Variants in ZNF766 observed in about 807,000 individuals in gnomAD.
ZNF766 encodes the protein zinc finger protein 766.
In ZNF766, 13 loss-of-function variants were observed where a neutral mutation model predicts 13.2. The observed-to-expected ratio is 0.98, with a 90% confidence interval of 0.64 to 1.56. The LOEUF is 1.56. Ranked by LOEUF, ZNF766 falls within the 40% of genes most tolerant of loss-of-function variation. ZNF766 has a pLI of 0.00. For missense variants in ZNF766, 521 were observed against 552.2 expected (o/e 0.94, Z 0.57); for synonymous variants, 178 against 187.6 (o/e 0.95, Z 0.42).
chr19:52,278,567 C>A (rs141674887), intron 1 of ZNF766, among the ~76,000 whole-genome samples: 2,013 of 152,228 alleles, frequency 0.013, 29 homozygotes, highest in Non-Finnish European at 0.02. Flanking sequence ...GCACACTCAG[C>A]TAATTGTTGT....
rs1555795200 is a variant in ZNF766 at position 52,277,458 on chromosome 19, C to CAAAAAAAAACAAA, written c.19-4648_19-4636dup. 342 of 1,481,948 alleles carry CAAAAAAAAACAAA rather than the reference C, an allele frequency of 2.3e-4. No individual in the cohort carries two copies. In the African/African-American group the frequency reaches 4.4e-3, roughly 19 times the overall value. 91.8% of individuals were successfully genotyped at this position (1,481,948 alleles called of 1,614,324 possible). ...TGGGTGACAGAGTGAGACTCCGTCT[C>CAAAAAAAAACAAA]AAAAAAAAACAAAAAAAGTCATGTT... On this transcript the variant is annotated intron_variant, in intron 1 of 3. Coordinates refer to ENST00000439461, the MANE Select transcript of ZNF766 (RefSeq NM_001010851.3).
At chr19:52,279,005 G>A (rs1343217442) in intron 1 of ZNF766, among the ~76,000 whole-genome samples, 1 of 152,136 alleles carries the variant, frequency 6.6e-6, no homozygotes, top group Admixed American at 6.5e-5. Context: ...TTTATAGTTT[G>A]GGGTTTTACA....
Position 52,281,651 on chromosome 19 carries a change from C to T in ZNF766, c.19-460C>T, listed in dbSNP as rs967806550. The T allele has an allele frequency of 2.0e-4, 77 of 385,556 alleles. 4 individuals carry two copies. The highest frequency in any genetic ancestry group is 1.0e-3 in the South Asian group (52 of 50,206). 23.9% of individuals were successfully genotyped at this position (385,556 alleles called of 1,614,324 possible). On this transcript the variant is annotated intron_variant, in intron 1 of 3. Coordinates refer to ENST00000439461, the MANE Select transcript of ZNF766 (RefSeq NM_001010851.3). The stretch of plus-strand genomic sequence containing the variant: ...GCAGATTCAGATTTTTGTCCATGAA[C>T]TTAACTTTACTCAGTTAGGTAATTG...
intron 1 of ZNF766, among the ~76,000 whole-genome samples, chr19:52,281,114 C>G (rs185464444): frequency 1.3e-5 from 2 of 150,640 alleles, no homozygotes; most frequent in Admixed American, 1.3e-4. Context: ...GAGATCGCAC[C>G]ATTGCACTTG....
chr19:52,290,347 CCT>C lies in ZNF766; in HGVS notation c.557_558del (p.Pro186LeufsTer4). The C allele has an allele frequency of 6.2e-7, 1 of 1,614,106 alleles. No individual in the cohort carries two copies. The highest frequency in any genetic ancestry group is 8.5e-7 in the Non-Finnish European group (1 of 1,180,046). ...ACAGAAAGCACACATTAGGAGAAAA[CCT>C]TACGAATGTAATGAGCAGGGCAAAG... ...QEQKAHIRRK[P>X]YECNEQGKVF... On this transcript the variant is annotated frameshift_variant, in exon 4 of 4. Coordinates refer to ENST00000439461, the MANE Select transcript of ZNF766 (RefSeq NM_001010851.3). LOFTEE classifies it low-confidence loss of function (END_TRUNC).
At chr19:52,283,192 G>T in intron 2 of ZNF766, 93 bp from the exon 3 acceptor site, 2 of 1,475,070 alleles carry the variant, frequency 1.4e-6, no homozygotes, top group South Asian at 1.4e-5. Flanking sequence ...TGGCTTTAAA[G>T]GATTAATTTT....
In ZNF766 at chr19:52,283,312, T is replaced by C. The variant is rs781412954; in HGVS notation, c.173T>C (p.Ile58Thr). 1 of 1,613,894 alleles carries C rather than the reference T, an allele frequency of 6.2e-7. No homozygotes were observed. The highest frequency in any genetic ancestry group is 1.1e-5 in the South Asian group (1 of 91,060). The stretch of plus-strand genomic sequence containing the variant: ...ATCTGTCTTCCTGACCTGAGTATTA[T>C]CTCCATGATGAAGCAAAGGACAGAG... ...LGICLPDLSI[I>T]SMMKQRTEPW... The change falls in exon 3 of 4, where the codon ATC becomes ACC. Residue 58 changes from isoleucine (I) to threonine (T), a missense_variant. By Grantham distance (89) the Ile-to-Thr change is moderately conservative. Coordinates refer to ENST00000439461, the MANE Select transcript of ZNF766 (RefSeq NM_001010851.3).
At chr19:52,276,811 G>C (rs776095969) in intron 1 of ZNF766, among the ~76,000 whole-genome samples, 1 of 152,226 alleles carries the variant, frequency 6.6e-6, no homozygotes, top group Non-Finnish European at 1.5e-5. Context: ...TCTGAAGGCT[G>C]AGTTCAGCCT....
intron 3 of ZNF766, among the ~76,000 whole-genome samples, chr19:52,289,786 G>A (rs1982019433): frequency 6.6e-6 from 1 of 152,070 alleles, no homozygotes; most frequent in Non-Finnish European, 1.5e-5. Flanking sequence ...GGATCACGAG[G>A]TCAGGAGATC....
chr19:52,280,279 G>A (rs2122474502), intron 1 of ZNF766, among the ~76,000 whole-genome samples: 1 of 152,304 alleles, frequency 6.6e-6, no homozygotes, highest in South Asian at 2.1e-4. Flanking sequence ...AGGATCATTT[G>A]AGATCAGGAG....
chr19:52,272,030 A>C, intron 1 of ZNF766, among the ~76,000 whole-genome samples: 1 of 147,956 alleles, frequency 6.8e-6, no homozygotes, highest in Admixed American at 6.8e-5. Context: ...TTTTCTTGCC[A>C]CTCCTCCATG....
At chr19:52,282,378 G>A (rs187301967) in intron 2 of ZNF766, 141 bp downstream of exon 2, 34 of 1,027,554 alleles carry the variant, frequency 3.3e-5, no homozygotes, top group Non-Finnish European at 3.9e-5. Flanking sequence ...GCTCATGCCT[G>A]TAATCCCAGC....
At chr19:52,275,815 G>A (rs1203616833) in intron 1 of ZNF766, among the ~76,000 whole-genome samples, 1 of 151,804 alleles carries the variant, frequency 6.6e-6, no homozygotes, top group Non-Finnish European at 1.5e-5. Flanking sequence ...CGAGTAGCTG[G>A]GATTACAGGC....
chr19:52,278,474 G>A (rs183818544), intron 1 of ZNF766, among the ~76,000 whole-genome samples: 2 of 152,224 alleles, frequency 1.3e-5, no homozygotes, highest in African/African-American at 2.4e-5. Flanking sequence ...TGTGATCTCA[G>A]TTCACTGCAA....
intron 1 of ZNF766, among the ~76,000 whole-genome samples, chr19:52,276,741 G>A (rs1434366075): frequency 1.3e-5 from 2 of 152,192 alleles, no homozygotes; most frequent in Non-Finnish European, 2.9e-5. Context: ...TATCCCCTTG[G>A]ATAAAGGGAT....
At chr19:52,282,031 C>T in intron 1 of ZNF766, 80 bp from the exon 2 acceptor site, 1 of 1,531,690 alleles carries the variant, frequency 6.5e-7, no homozygotes, top group Non-Finnish European at 8.9e-7. Context: ...TTGAGTCAGT[C>T]CTTACAACCC....
intron 1 of ZNF766, chr19:52,277,181 C>T (rs144421672): frequency 7.9e-6 from 9 of 1,145,382 alleles, no homozygotes; most frequent in South Asian, 7.7e-5. Flanking sequence ...TCATGTTGGC[C>T]GGGCGCGGGG....
intron 3 of ZNF766, among the ~76,000 whole-genome samples, chr19:52,289,804 T>G (rs1035012983): frequency 2.6e-5 from 4 of 152,068 alleles, no homozygotes; most frequent in Admixed American, 1.3e-4. Context: ...ATCGAGACCA[T>G]CCTGGCTAAC....
chr19:52,271,369 G>C (rs771164046), intron 1 of ZNF766, among the ~76,000 whole-genome samples: 1 of 152,146 alleles, frequency 6.6e-6, no homozygotes, highest in Non-Finnish European at 1.5e-5. Flanking sequence ...GAGTGTGCCA[G>C]AGAACTGGTC....
Sources: gnomAD v4.1 joint callset for allele counts (sites outside exome capture counted in the v4.1 genomes callset) on GRCh38, gnomAD v4.1.1 for gene constraint, MANE v1.5 for transcripts, NCBI Gene and HGNC (gene_info 2026-07-23, HGNC 2026-07-21) for gene names.